NUP133: variants seen among roughly 807,000 people sequenced by gnomAD.
NUP133 encodes nuclear pore complex protein Nup133.
A neutral mutation model predicts 146.2 loss-of-function variants in NUP133; 66 were observed. That is an observed-to-expected ratio of 0.45 (90% confidence interval 0.37 to 0.55). NUP133 has a LOEUF of 0.55. NUP133 is among the 20% of genes least tolerant of loss of function. NUP133 has a pLI of 0.00. For synonymous variants in NUP133, 521 were observed against 498.8 expected (o/e 1.04, Z -0.59); for missense variants, 1,277 against 1,374.8 (o/e 0.93, Z 1.12).
intron 23 of NUP133, among the ~76,000 whole-genome samples, chr1:229,449,703 T>C (rs1660398458): frequency 6.6e-6 from 1 of 151,430 alleles, no homozygotes. Flanking sequence ...TAAGGTAATG[T>C]AAAAGTCAAC....
At chr1:229,456,585 G>C (rs1853808) in intron 21 of NUP133, among the ~76,000 whole-genome samples, 31,352 of 151,898 alleles carry the variant, frequency 0.21, 3,572 homozygotes, top group African/African-American at 0.29. Context: ...GACTCTCCAA[G>C]ATTTCTTCAA....
chr1:229,442,138 A>G, intron 25 of NUP133, 98 bp from the exon 26 acceptor site: 2 of 1,169,384 alleles, frequency 1.7e-6, no homozygotes, highest in South Asian at 3.0e-5. Context: ...TTCTATTTAA[A>G]TATAACGTCA....
intron 24 of NUP133, among the ~76,000 whole-genome samples, chr1:229,446,058 T>C (rs1194897566): frequency 1.3e-5 from 2 of 152,190 alleles, no homozygotes; most frequent in Non-Finnish European, 2.9e-5. Context: ...AATCGTAACA[T>C]AAACACCATT....
At chr1:229,487,662 A>G (rs768585795) in intron 9 of NUP133, 49 bp from the exon 10 acceptor site, 28 of 1,315,482 alleles carry the variant, frequency 2.1e-5, no homozygotes, top group Non-Finnish European at 3.0e-5. Context: ...AAACAAAAAT[A>G]TTTGTATGAT....
chr1:229,495,448 T>C (rs761207557), intron 8 of NUP133, 47 bp downstream of exon 8: 2 of 1,348,762 alleles, frequency 1.5e-6, no homozygotes, highest in South Asian at 2.4e-5. Flanking sequence ...TCAACTTATT[T>C]TTTCCAAACT....
At chr1:229,458,058 CCT>C in intron 21 of NUP133, 101 bp downstream of exon 21, 1 of 1,192,504 alleles carries the variant, frequency 8.4e-7, no homozygotes, top group South Asian at 1.7e-5. Flanking sequence ...AGAGACAGGT[CCT>C]GTTTCTAAGA....
intron 14 of NUP133, 31 bp downstream of exon 14, chr1:229,475,607 G>A: frequency 2.6e-6 from 4 of 1,538,850 alleles, no homozygotes; most frequent in Non-Finnish European, 3.6e-6. Flanking sequence ...GCCAAAGGCA[G>A]AGCCCTGTGC....
Position 229,450,712 on chromosome 1 carries a change from G to GTTTT in NUP133, c.3100-111_3100-108dup, listed in dbSNP as rs540902400. 8.5e-4 allele frequency: 439 copies of GTTTT among 518,440 alleles called. No individual in the cohort carries two copies. The African/African-American group carries it at 8.6e-3, about 10-fold the overall frequency. 32.1% of individuals were successfully genotyped at this position (518,440 alleles called of 1,614,324 possible). Reference sequence around the variant, plus strand: ...ATGTCTTGTAAGGAAGTTGTAGTTTGTTTTTTGTTTGTTTGTTTGTTTGTT... The same window carrying GTTTT: ...ATGTCTTGTAAGGAAGTTGTAGTTTGTTTTTTTTTTGTTTGTTTGTTTGTTTGTT... On this transcript the variant is annotated intron_variant, in intron 22 of 25. Transcript: ENST00000261396.
At position 229,502,018 on chromosome 1, in the gene NUP133, G is replaced by C. The variant is rs1348549170; in HGVS notation, c.386C>G (p.Ala129Gly). Residue 129 changes from alanine (A) to glycine (G), a missense_variant, in exon 3 of 26, where the codon GCT (alanine) becomes GGT (glycine). Coordinates refer to ENST00000261396, the MANE Select transcript of NUP133 (RefSeq NM_018230.3). ...CKEKLIIWKI[A>G]LSPITKLSVC... ...CATTACCTTAGTAATAGGTGACAGA[G>C]CAATCTTCCAAATAATGAGCTTCTC... 1 of 1,612,606 alleles carries C rather than the reference G, an allele frequency of 6.2e-7. No homozygotes were observed. Among genetic ancestry groups the C allele is most frequent in the African/African-American group, 1.3e-5 (1 of 75,010 alleles).
chr1:229,495,439 C>A (rs1255524101), intron 8 of NUP133, 56 bp downstream of exon 8: 28 of 1,197,518 alleles, frequency 2.3e-5, no homozygotes, highest in Non-Finnish European at 3.0e-5. Context: ...TTATAAACAT[C>A]AACTTATTTT....
intron 11 of NUP133, 65 bp from the exon 12 acceptor site, chr1:229,484,210 A>T (rs1168665684): frequency 7.0e-6 from 8 of 1,144,058 alleles, no homozygotes; most frequent in Non-Finnish European, 1.0e-5. Context: ...ATTGGACTAA[A>T]AACTGCACCC....
chr1:229,461,507 T>C (rs1660689143), intron 19 of NUP133, among the ~76,000 whole-genome samples: 1 of 152,158 alleles, frequency 6.6e-6, no homozygotes, highest in Non-Finnish European at 1.5e-5. Flanking sequence ...ATGAACTGAG[T>C]CATCTTCCTC....
chr1:229,464,813 C>G lies in NUP133; in HGVS notation c.2362G>C (p.Val788Leu). 1.9e-6 allele frequency: 3 copies of G among 1,614,192 alleles called. No homozygotes were observed. Among genetic ancestry groups the G allele is most frequent in the Non-Finnish European group, 1.7e-6 (2 of 1,180,024 alleles). The change falls in exon 18 of 26, where the codon GTG becomes CTG. Residue 788 changes from valine to leucine, a missense_variant. Val to Leu is a conservative substitution (Grantham distance 32). Coordinates refer to ENST00000261396, the MANE Select transcript of NUP133 (RefSeq NM_018230.3). ...IIRQHEIVLK[V>L]AYPQADSNLR... ...TTGCTGTCTGCCTGTGGATAAGCCA[C>G]CTTCAGGACAATCTCATGCTGGCGT...
intron 21 of NUP133, among the ~76,000 whole-genome samples, chr1:229,454,464 C>T (rs1660519721): frequency 6.6e-6 from 1 of 152,206 alleles, no homozygotes; most frequent in East Asian, 1.9e-4. Context: ...ACCCACAAAA[C>T]AGTACCAGTG....
chr1:229,472,727 T>TATATATATATATATATATATATATATAC (rs1491217704), intron 14 of NUP133, among the ~76,000 whole-genome samples: 1 of 148,092 alleles, frequency 6.8e-6, no homozygotes, highest in East Asian at 2.0e-4. Context: ...TATATATATA[T>TATATATATATATATATATATATATATAC]GTACAATCAT....
intron 8 of NUP133, among the ~76,000 whole-genome samples, chr1:229,490,769 C>A (rs1041914488): frequency 1.3e-5 from 2 of 152,024 alleles, no homozygotes; most frequent in Non-Finnish European, 2.9e-5. Flanking sequence ...TCAAGACCAG[C>A]CTGGCCAACG....
At chr1:229,477,395 G>A (rs573369088) in intron 13 of NUP133, among the ~76,000 whole-genome samples, 4 of 148,148 alleles carry the variant, frequency 2.7e-5, no homozygotes, top group South Asian at 4.3e-4. Flanking sequence ...AGCCAAGATC[G>A]CGCCACTGCA....
Position 229,444,939 on chromosome 1 carries a change from C to A in NUP133, c.3309G>T (p.Lys1103Asn), listed in dbSNP as rs764402261. 1.2e-6 allele frequency: 2 copies of A among 1,610,434 alleles called. No individual in the cohort carries two copies. Among genetic ancestry groups the A allele is most frequent in the Admixed American group, 3.3e-5 (2 of 59,804 alleles). The change falls in exon 25 of 26, where the codon AAG becomes AAT. Residue 1103 changes from lysine to asparagine, a missense_variant. By Grantham distance (94) the Lys-to-Asn change is moderately conservative. Coordinates refer to ENST00000261396, the MANE Select transcript of NUP133 (RefSeq NM_018230.3). ...IEVSKDSIFV[K>N]ILQKLLKDGI... is the part of the protein sequence containing the mutation. Reference sequence around the variant, plus strand: ...CATCTTTTAAAAGTTTCTGTAAGATCTTCACAAATATACTGTCTTTAGATA... The same window carrying A: ...CATCTTTTAAAAGTTTCTGTAAGATATTCACAAATATACTGTCTTTAGATA...
At chr1:229,462,890 A>G (rs1364544356) in intron 19 of NUP133, among the ~76,000 whole-genome samples, 2 of 152,130 alleles carry the variant, frequency 1.3e-5, no homozygotes, top group Non-Finnish European at 2.9e-5. Context: ...AATATCCCTC[A>G]AGGAAAATGA....
Sources: allele counts gnomAD v4.1 joint callset (sites outside exome capture counted in the v4.1 genomes callset), GRCh38; gene constraint gnomAD v4.1.1; transcripts MANE v1.5; gene names NCBI Gene and HGNC (gene_info 2026-07-23, HGNC 2026-07-21).